The following CACNA1E variants were observed in gnomAD, a reference collection of about 807,000 sequenced individuals.
The protein encoded by CACNA1E is voltage-dependent R-type calcium channel subunit alpha-1E.
Under a neutral mutation model 259.2 loss-of-function variants are expected in CACNA1E, and 40 were observed. The observed-to-expected ratio is 0.15, with a 90% confidence interval of 0.12 to 0.20. CACNA1E has a LOEUF of 0.20. CACNA1E is among the 10% of genes least tolerant of loss of function. The pLI, the probability that CACNA1E is intolerant of heterozygous loss-of-function variation, is 1.00. For synonymous variants in CACNA1E, 1,104 were observed against 1,138.5 expected, an observed-to-expected ratio of 0.97 and a Z score of 0.61; for missense variants, 1,874 against 3,040.1, an observed-to-expected ratio of 0.62 and a Z score of 9.02.
chr1:181,792,730 C>A (rs1661435023), intron 44 of CACNA1E, among the ~76,000 whole-genome samples: 1 of 152,214 alleles, frequency 6.6e-6, no homozygotes, highest in Non-Finnish European at 1.5e-5. Flanking sequence ...CTGGTACGAT[C>A]TCCATCTGCC....
At chr1:181,604,455 G>A (rs899850753) in intron 6 of CACNA1E, among the ~76,000 whole-genome samples, 1 of 152,240 alleles carries the variant, frequency 6.6e-6, no homozygotes, top group Non-Finnish European at 1.5e-5. Flanking sequence ...ACTTTCCTTA[G>A]GATGAGACTG....
At chr1:181,550,965 C>T (rs534060580) in intron 3 of CACNA1E, among the ~76,000 whole-genome samples, 29 of 152,062 alleles carry the variant, frequency 1.9e-4, no homozygotes, top group Middle Eastern at 3.4e-3. Flanking sequence ...TACATCCTTA[C>T]GCTGTATCAG....
chr1:181,493,604 A>G (rs140980409), intron 1 of CACNA1E, among the ~76,000 whole-genome samples: 1 of 152,308 alleles, frequency 6.6e-6, no homozygotes, highest in East Asian at 1.9e-4. Context: ...TGACAATACT[A>G]TGGCATTGAA....
intron 1 of CACNA1E, among the ~76,000 whole-genome samples, chr1:181,333,179 G>A (rs564268512): frequency 2.6e-5 from 4 of 152,170 alleles, no homozygotes; most frequent in Non-Finnish European, 5.9e-5. Flanking sequence ...GTGAGGCAGT[G>A]GAGGGTGGAC....
intron 6 of CACNA1E, among the ~76,000 whole-genome samples, chr1:181,645,425 C>T (rs1171498594): frequency 1.3e-5 from 2 of 152,092 alleles, no homozygotes; most frequent in Admixed American, 6.5e-5. Context: ...GGGCGTTCCC[C>T]ACCCTCTTTT....
At chr1:181,577,160 A>G (rs775487327) in intron 3 of CACNA1E, among the ~76,000 whole-genome samples, 5 of 152,240 alleles carry the variant, frequency 3.3e-5, no homozygotes, top group Non-Finnish European at 7.3e-5. Flanking sequence ...GCTGTGGAAC[A>G]TGGAAAAATA....
chr1:181,525,866 A>G (rs543182024), intron 3 of CACNA1E, among the ~76,000 whole-genome samples: 2 of 152,246 alleles, frequency 1.3e-5, no homozygotes, highest in East Asian at 3.9e-4. Flanking sequence ...CATGGCTTCT[A>G]TGTGGGGTAA....
At chr1:181,757,191 T>C in intron 30 of CACNA1E, 65 bp downstream of exon 30, 1 of 1,138,452 alleles carries the variant, frequency 8.8e-7, no homozygotes, top group Non-Finnish European at 1.3e-6. Flanking sequence ...GGGCCAGCAA[T>C]GTAAGAAAGG....
chr1:181,763,690 T>A (rs532805558), intron 34 of CACNA1E, among the ~76,000 whole-genome samples, 159 bp downstream of exon 34: 1 of 152,332 alleles, frequency 6.6e-6, no homozygotes, highest in African/African-American at 2.4e-5. Context: ...AATTCTTAGT[T>A]ACAGCACAGC....
rs1653841089 is a variant in CACNA1E at position 181,715,891 on chromosome 1, G to C, written c.1226-149G>C. 3 of 626,198 alleles carry C rather than the reference G, an allele frequency of 4.8e-6. No individual in the cohort carries two copies. The South Asian group carries it at 5.8e-5, about 12-fold the overall frequency. The allele number at this position is 626,198 out of a possible 1,614,324, so 38.8% of individuals were successfully genotyped here. On this transcript the variant is annotated intron_variant, in intron 9 of 47. Coordinates refer to ENST00000367573, the MANE Select transcript of CACNA1E (RefSeq NM_001205293.3). ...GGTCCGGTAGACATCCGTGATTTCT[G>C]TTACCCTGGCTCAGGTATTAAAGGC...
At chr1:181,555,930 C>T (rs1348062281) in intron 3 of CACNA1E, among the ~76,000 whole-genome samples, 1 of 152,152 alleles carries the variant, frequency 6.6e-6, no homozygotes, top group Non-Finnish European at 1.5e-5. Flanking sequence ...GAAAAGCTTC[C>T]CCCATCTTTA....
chr1:181,677,707 A>G (rs959180654), intron 7 of CACNA1E, among the ~76,000 whole-genome samples: 1 of 152,162 alleles, frequency 6.6e-6, no homozygotes, highest in Non-Finnish European at 1.5e-5. Context: ...TGGGCTGGAG[A>G]TACCACTGTG....
Position 181,783,598 on chromosome 1 carries a change from A to G in CACNA1E, c.5365-81A>G, listed in dbSNP as rs1572886892. 3 of 773,456 alleles carry G rather than the reference A, an allele frequency of 3.9e-6. No homozygotes were observed. The South Asian group carries it at 4.8e-5, about 12-fold the overall frequency. The allele number at this position is 773,456 out of a possible 1,614,324, so 47.9% of individuals were successfully genotyped here. A position where few individuals can be genotyped will look rare whatever the true frequency, so the allele number is the denominator to read the frequency against. On this transcript the variant is annotated intron_variant, in intron 39 of 47. Coordinates refer to ENST00000367573, the MANE Select transcript of CACNA1E (RefSeq NM_001205293.3). ...TTTTTCGTCTGTGCATTTGACCTCTACCCTTTTCTTCCTTTCTCACTGAGA... is the reference window on the plus strand; with the variant it reads ...TTTTTCGTCTGTGCATTTGACCTCTGCCCTTTTCTTCCTTTCTCACTGAGA...
intron 3 of CACNA1E, among the ~76,000 whole-genome samples, chr1:181,570,062 G>A (rs867116562): frequency 6.6e-6 from 1 of 152,006 alleles, no homozygotes; most frequent in Non-Finnish European, 1.5e-5. Flanking sequence ...TGAGAGGTCC[G>A]TTTATCTGAT....
intron 40 of CACNA1E, 118 bp downstream of exon 40, chr1:181,783,902 T>C: frequency 1.6e-6 from 1 of 625,958 alleles, no homozygotes; most frequent in Non-Finnish European, 2.9e-6. Context: ...AATAATGCAG[T>C]CATCTGAACA....
rs902418490 is a variant in CACNA1E at position 181,533,372 on chromosome 1, C to A, written c.512+21862C>A. Among the ~76,000 whole-genome samples the A allele has an allele frequency of 3.3e-5, 5 of 149,606 alleles. No homozygotes were observed. In the South Asian group the frequency reaches 6.5e-4, roughly 19 times the overall value. The stretch of plus-strand genomic sequence containing the variant: ...GTTTTTCCGTCACTTCCCAACTCCA[C>A]TGAGTGAATACTAACAGTACAACTT... On this transcript the variant is annotated intron_variant, in intron 3 of 47. Transcript: ENST00000367573.
chr1:181,485,959 T>G lies in CACNA1E; in HGVS notation c.266+1949T>G. ...GCTGAAACTCCCGGCGGCCCGGGGC[T>G]CCCCAGTTACCCGGGTTCAGCACCT... is the stretch of plus-strand genomic sequence containing the variant. On this transcript the variant is annotated intron_variant, in intron 1 of 47. Transcript: ENST00000367573. The surrounding 1 kb of genome is among the most constrained non-coding windows in gnomAD (Gnocchi z 4.2). Among the ~76,000 whole-genome samples the G allele has an allele frequency of 6.6e-6, 1 of 152,230 alleles. No homozygotes were observed. Among genetic ancestry groups the G allele is most frequent in the East Asian group, 1.9e-4 (1 of 5,200 alleles).
intron 2 of CACNA1E, among the ~76,000 whole-genome samples, chr1:181,456,704 G>A (rs530462179): frequency 2.0e-5 from 3 of 152,174 alleles, no homozygotes; most frequent in South Asian, 2.1e-4. Context: ...AGCTTCCCAC[G>A]CTGCCAGGAA....
chr1:181,483,816 C>A lies in CACNA1E; in HGVS notation c.72C>A (p.Asn24Lys), dbSNP rs1290397583. 6.2e-7 allele frequency: 1 copy of A among 1,613,516 alleles called. No homozygotes were observed. Among genetic ancestry groups the A allele is most frequent in the Admixed American group, 1.7e-5 (1 of 60,000 alleles). The change falls in exon 1 of 48, where the codon AAC (asparagine) becomes AAA (lysine). Residue 24 changes from asparagine to lysine, a missense_variant. Asn to Lys is a moderately conservative substitution (Grantham distance 94, BLOSUM62 0). This residue lies in a region of CACNA1E where 110 missense variants were observed against 122.8 expected (regional missense o/e 0.90). Coordinates refer to ENST00000367573, the MANE Select transcript of CACNA1E (RefSeq NM_001205293.3). ...ATGGAGACTCGGACCAGAGCAGGAA[C>A]CGGCAAGGAACCCCCGTGCCGGCCT... ...SGDGDSDQSR[N>K]RQGTPVPASG...
Sources: gnomAD v4.1 joint callset for allele counts (sites outside exome capture counted in the v4.1 genomes callset) on GRCh38, gnomAD v4.1.1 for gene constraint, gnomAD v4.1.1 regional missense constraint, Gnocchi (gnomAD v3.1) non-coding constraint, MANE v1.5 for transcripts, NCBI Gene and HGNC (gene_info 2026-07-23, HGNC 2026-07-21) for gene names.